CCDC102B: variants seen among roughly 807,000 people sequenced by gnomAD.
CCDC102B encodes the protein coiled-coil domain-containing protein 102B.
A neutral mutation model predicts 57.4 loss-of-function variants in CCDC102B; 75 were observed. That is an observed-to-expected ratio of 1.31 (90% CI 1.08 to 1.58). The LOEUF is 1.58. CCDC102B is among the 40% of genes most tolerant of loss of function. The probability of loss-of-function intolerance (pLI) is 0.00; values close to 1 mark genes in which losing one functional copy is unlikely to be tolerated. For missense variants in CCDC102B, 636 were observed against 582.6 expected, an observed-to-expected ratio of 1.09 and a Z score of -0.94; for synonymous variants, 206 against 201.9, an observed-to-expected ratio of 1.02 and a Z score of -0.17.
intron 3 of CCDC102B, among the ~76,000 whole-genome samples, chr18:68,845,584 A>G (rs2037823047): frequency 6.6e-6 from 1 of 151,850 alleles, no homozygotes; most frequent in Non-Finnish European, 1.5e-5. Context: ...TACCTTACAG[A>G]TAAGAACAGG....
chr18:68,754,073 A>G (rs1175372058), intron 2 of CCDC102B: 2 of 152,176 alleles, frequency 1.3e-5, no homozygotes, highest in Non-Finnish European at 2.9e-5. Flanking sequence ...ATACTGTTGT[A>G]TAGCAGTTTC....
chr18:68,896,987 C>A (rs1482454645), intron 5 of CCDC102B, among the ~76,000 whole-genome samples: 1 of 152,020 alleles, frequency 6.6e-6, no homozygotes. Flanking sequence ...GTACATATGG[C>A]TGTAGAGATA....
At chr18:68,959,870 G>GAC (rs2050001667) in intron 6 of CCDC102B, among the ~76,000 whole-genome samples, 1 of 152,038 alleles carries the variant, frequency 6.6e-6, no homozygotes, top group Non-Finnish European at 1.5e-5. Context: ...CCCATCCTGA[G>GAC]TCTCTCTCTT....
At chr18:69,025,184 G>C (rs912750746) in intron 7 of CCDC102B, among the ~76,000 whole-genome samples, 1 of 152,086 alleles carries the variant, frequency 6.6e-6, no homozygotes, top group African/African-American at 2.4e-5. Flanking sequence ...CAGTAACTTA[G>C]AGGAGATTAA....
At position 68,813,774 on chromosome 18, in the gene CCDC102B, T is replaced by TTATATATATATATA. The variant is rs142225933; in HGVS notation, c.-16+15599_-16+15612dup. Among the ~76,000 whole-genome samples the TTATATATATATATA allele has an allele frequency of 7.1e-3, 1,034 of 145,916 alleles. 13 individuals are homozygous for TTATATATATATATA. Among genetic ancestry groups the TTATATATATATATA allele is most frequent in the African/African-American group, 0.024 (956 of 39,630 alleles). On this transcript the variant is annotated intron_variant, in intron 1 of 7. Transcript: ENST00000360242. ...GATGAAGTCATATTAAAATATAATTTTATATATATATATATATATCTTTAG... is the reference window on the plus strand; with the variant it reads ...GATGAAGTCATATTAAAATATAATTTTATATATATATATATATATATATATATATATATCTTTAG...
chr18:68,830,969 G>A (rs986487475), intron 1 of CCDC102B, among the ~76,000 whole-genome samples: 5 of 151,968 alleles, frequency 3.3e-5, no homozygotes, highest in East Asian at 1.9e-4. Flanking sequence ...TTTATAAAAC[G>A]GATTATGGAT....
chr18:68,784,939 T>C (rs916567968), intron 2 of CCDC102B, among the ~76,000 whole-genome samples: 15 of 151,602 alleles, frequency 9.9e-5, no homozygotes, highest in African/African-American at 3.1e-4. Context: ...AACTCGTCAT[T>C]TAGCATTAGG....
intron 6 of CCDC102B, among the ~76,000 whole-genome samples, chr18:68,926,352 A>T (rs2041474790): frequency 6.6e-6 from 1 of 151,890 alleles, no homozygotes; most frequent in Non-Finnish European, 1.5e-5. Flanking sequence ...ATTGTCTATT[A>T]TGTTTTTGCA....
Position 68,874,673 on chromosome 18 carries a change from A to G in CCDC102B, c.941A>G (p.Asp314Gly). ...AATTTCAACTTTCTTTTTCAGTTTG[A>G]CATTCTTCTTGGTCAACATAATGAT... ...ESKPKNVKEFDILLGQHNDEM... is the reference protein window; with the variant it reads ...ESKPKNVKEFGILLGQHNDEM... The change falls in exon 5 of 8, where the codon GAC becomes GGC. Residue 314 changes from aspartate (D) to glycine (G), a missense_variant. Transcript: ENST00000360242. 6.3e-7 allele frequency: 1 copy of G among 1,598,844 alleles called. No individual in the cohort carries two copies. Among genetic ancestry groups the G allele is most frequent in the Non-Finnish European group, 8.6e-7 (1 of 1,166,992 alleles).
chr18:68,804,351 G>C (rs1402590889), intron 1 of CCDC102B, among the ~76,000 whole-genome samples: 1 of 152,182 alleles, frequency 6.6e-6, no homozygotes, highest in Admixed American at 6.5e-5. Context: ...TATCCTTAGT[G>C]ATGTTAAGTG....
intron 2 of CCDC102B, among the ~76,000 whole-genome samples, chr18:68,765,505 AAGAAAGAAAG>A (rs2034441019): frequency 1.3e-5 from 2 of 151,994 alleles, no homozygotes; most frequent in Admixed American, 6.5e-5. Flanking sequence ...AGAAGAAAGC[AAGAAAGAAAG>A]AGAAAGAAAT....
intron 4 of CCDC102B, chr18:68,867,011 G>A (rs1299375557): frequency 1.4e-5 from 4 of 294,586 alleles, no homozygotes; most frequent in Non-Finnish European, 2.7e-5. Flanking sequence ...GTGGTCTGTA[G>A]GGCTGGCAGC....
intron 6 of CCDC102B, among the ~76,000 whole-genome samples, chr18:69,002,788 T>G (rs952151976): frequency 2.0e-5 from 3 of 152,190 alleles, no homozygotes; most frequent in African/African-American, 7.2e-5. Context: ...TTTCCTTTAC[T>G]TTCCATGCCC....
At chr18:68,835,520 T>C (rs2037329236) in intron 1 of CCDC102B, among the ~76,000 whole-genome samples, 1 of 152,228 alleles carries the variant, frequency 6.6e-6, no homozygotes, top group Non-Finnish European at 1.5e-5. Context: ...GTCTTTTTCA[T>C]AATATTTTAT....
chr18:69,004,068 A>C (rs1262556614), intron 6 of CCDC102B, among the ~76,000 whole-genome samples: 1 of 152,220 alleles, frequency 6.6e-6, no homozygotes, highest in Non-Finnish European at 1.5e-5. Context: ...GTGGGTTCAC[A>C]CAGTTTTATA....
chr18:69,016,804 A>C (rs2051681013), intron 7 of CCDC102B, among the ~76,000 whole-genome samples: 1 of 152,136 alleles, frequency 6.6e-6, no homozygotes, highest in South Asian at 2.1e-4. Flanking sequence ...TTTTATGTAC[A>C]TACCTTATTT....
chr18:68,884,526 G>A (rs1402085570), intron 5 of CCDC102B, among the ~76,000 whole-genome samples: 1 of 151,424 alleles, frequency 6.6e-6, no homozygotes, highest in African/African-American at 2.4e-5. Context: ...TGGGGATGAC[G>A]AAATGGGCAG....
intron 4 of CCDC102B, among the ~76,000 whole-genome samples, chr18:68,865,880 T>G (rs552028906): frequency 6.2e-4 from 95 of 152,350 alleles, no homozygotes; most frequent in African/African-American, 2.1e-3. Flanking sequence ...GTTAAAAATG[T>G]GGCTTTGCCA....
At chr18:68,850,775 C>T (rs2038086514) in intron 4 of CCDC102B, among the ~76,000 whole-genome samples, 1 of 152,066 alleles carries the variant, frequency 6.6e-6, no homozygotes, top group Non-Finnish European at 1.5e-5. Context: ...AGGAACCAAA[C>T]TTCTTCCTGC....
Sources: gnomAD v4.1 joint callset for allele counts (sites outside exome capture counted in the v4.1 genomes callset) on GRCh38, gnomAD v4.1.1 for gene constraint, MANE v1.5 for transcripts, NCBI Gene and HGNC (gene_info 2026-07-23, HGNC 2026-07-21) for gene names.